Variants in KLHL29 observed in about 807,000 individuals in gnomAD.
KLHL29 encodes the protein kelch-like protein 29.
A neutral mutation model predicts 80.4 loss-of-function variants in KLHL29; 21 were observed. The observed-to-expected ratio is 0.26, with a 90% CI of 0.19 to 0.38. KLHL29 has a LOEUF of 0.38. KLHL29 is among the 10% of genes least tolerant of loss of function. KLHL29 has a pLI of 1.00. For synonymous variants in KLHL29, 511 were observed against 526.8 expected (o/e 0.97, Z 0.41); for missense variants, 867 against 1,223.9 (o/e 0.71, Z 4.35).
intron 1 of KLHL29, among the ~76,000 whole-genome samples, chr2:23,434,219 G>C (rs1335500905): frequency 6.6e-6 from 1 of 151,168 alleles, no homozygotes; most frequent in Non-Finnish European, 1.5e-5. Flanking sequence ...TACTTGGGAG[G>C]CTGAGGCAGG....
At chr2:23,646,065 G>A (rs1299937075) in intron 5 of KLHL29, among the ~76,000 whole-genome samples, 2 of 151,986 alleles carry the variant, frequency 1.3e-5, no homozygotes, top group Non-Finnish European at 2.9e-5. Context: ...TTTAGATGAT[G>A]TATTGAAAGC....
At chr2:23,405,014 C>T (rs988568169) in intron 1 of KLHL29, among the ~76,000 whole-genome samples, 1 of 152,088 alleles carries the variant, frequency 6.6e-6, no homozygotes, top group Admixed American at 6.5e-5. Context: ...ATCCTGTCCT[C>T]GTGGAACACA....
chr2:23,684,365 G>A lies in KLHL29; in HGVS notation c.941-34G>A. 1 of 1,366,842 alleles carries A rather than the reference G, an allele frequency of 7.3e-7. No homozygotes were observed. Among genetic ancestry groups the A allele is most frequent in the Non-Finnish European group, 9.5e-7 (1 of 1,050,378 alleles). The allele number at this position is 1,366,842 out of a possible 1,614,324, so 84.7% of individuals were successfully genotyped here. ...TTAAAAAAAAAAAAACTCTTAATGG[G>A]AACCTGGCCCTGTCTGTCTTCTCTG... On this transcript the variant is annotated intron_variant, in intron 5 of 13. Transcript: ENST00000486442. This position sits in a 1 kb window ranked among gnomAD's most constrained non-coding sequence, Gnocchi z 4.4.
chr2:23,515,269 G>C (rs576361828), intron 2 of KLHL29, among the ~76,000 whole-genome samples: 1 of 152,132 alleles, frequency 6.6e-6, no homozygotes, highest in South Asian at 2.1e-4. Flanking sequence ...TGGTGTTCAG[G>C]GTCATGTCTT....
intron 5 of KLHL29, among the ~76,000 whole-genome samples, chr2:23,662,436 A>G (rs1335197456): frequency 6.6e-6 from 1 of 152,194 alleles, no homozygotes; most frequent in Admixed American, 6.5e-5. Context: ...TGATCAATAG[A>G]TGGTGGGGGC....
At chr2:23,619,402 G>A (rs1156913500) in intron 3 of KLHL29, among the ~76,000 whole-genome samples, 1 of 152,174 alleles carries the variant, frequency 6.6e-6, no homozygotes, top group Admixed American at 6.5e-5. Flanking sequence ...ACAGTGATTG[G>A]AGAGTGGGGA....
chr2:23,554,302 C>T (rs892584280), intron 2 of KLHL29, among the ~76,000 whole-genome samples: 4 of 152,352 alleles, frequency 2.6e-5, no homozygotes, highest in African/African-American at 9.6e-5. Context: ...AAGACAAGCA[C>T]AGACTGTTCC....
At chr2:23,417,352 C>T (rs547420221) in intron 1 of KLHL29, among the ~76,000 whole-genome samples, 70 of 152,336 alleles carry the variant, frequency 4.6e-4, no homozygotes, top group African/African-American at 1.5e-3. Flanking sequence ...GTGTGGCCAT[C>T]ATGTGTGGCT....
chr2:23,552,020 A>G (rs533485775), intron 2 of KLHL29, among the ~76,000 whole-genome samples: 1 of 152,344 alleles, frequency 6.6e-6, no homozygotes, highest in Admixed American at 6.5e-5. Flanking sequence ...TGTGAGGCAA[A>G]TGATGTAGTG....
rs1391215449 is a variant in KLHL29, at chr2:23,691,903, T to C, written c.1282+27T>C. 6 of 1,543,284 alleles carry C rather than the reference T, an allele frequency of 3.9e-6. No individual in the cohort carries two copies. The Admixed American group carries it at 5.9e-5, about 15-fold the overall frequency. ...TGAGCCCGGGGGCCACATATGTCGC[T>C]TGGGGGGAAGAGTGCAGATGGGCGG... On this transcript the variant is annotated intron_variant, in intron 7 of 13. Coordinates refer to ENST00000486442, the MANE Select transcript of KLHL29 (RefSeq NM_052920.2).
intron 2 of KLHL29, among the ~76,000 whole-genome samples, chr2:23,502,230 G>T (rs1222165322): frequency 1.3e-5 from 2 of 152,196 alleles, no homozygotes; most frequent in African/African-American, 4.8e-5. Flanking sequence ...TTCCGGGATC[G>T]CTTGCATGCA....
At chr2:23,628,241 C>T (rs1269219132) in intron 3 of KLHL29, among the ~76,000 whole-genome samples, 2 of 152,162 alleles carry the variant, frequency 1.3e-5, no homozygotes, top group Non-Finnish European at 1.5e-5. Flanking sequence ...GCATGTTAAG[C>T]GACTATTGAG....
intron 5 of KLHL29, among the ~76,000 whole-genome samples, chr2:23,652,646 C>T (rs1558425132): frequency 6.6e-6 from 1 of 152,192 alleles, no homozygotes; most frequent in African/African-American, 2.4e-5. Context: ...GGGAGACGGA[C>T]TGTCACCTCC....
At chr2:23,498,765 A>T (rs532421314) in intron 2 of KLHL29, among the ~76,000 whole-genome samples, 1 of 152,342 alleles carries the variant, frequency 6.6e-6, no homozygotes, top group African/African-American at 2.4e-5. Flanking sequence ...AGCTAAATTA[A>T]TGTTAATTGA....
chr2:23,558,373 C>T (rs889741014), intron 2 of KLHL29, among the ~76,000 whole-genome samples: 1 of 149,654 alleles, frequency 6.7e-6, no homozygotes, highest in South Asian at 2.1e-4. Flanking sequence ...CTTCAAGGTT[C>T]GAGGTCTGAT....
chr2:23,422,410 T>G (rs1044268368), intron 1 of KLHL29, among the ~76,000 whole-genome samples: 1 of 151,766 alleles, frequency 6.6e-6, no homozygotes, highest in African/African-American at 2.4e-5. Flanking sequence ...CCTATGTGTC[T>G]GTGTTGTGTG....
intron 3 of KLHL29, among the ~76,000 whole-genome samples, chr2:23,591,618 G>C (rs1011684521): frequency 6.6e-6 from 1 of 151,882 alleles, no homozygotes; most frequent in Non-Finnish European, 1.5e-5. Context: ...TGTCCATCCT[G>C]TCACTGCGTC....
At chr2:23,563,610 G>A (rs1299964426) in intron 3 of KLHL29, among the ~76,000 whole-genome samples, 1 of 152,220 alleles carries the variant, frequency 6.6e-6, no homozygotes, top group Non-Finnish European at 1.5e-5. Context: ...GCCATTGTGA[G>A]GTGGCTGTGG....
intron 1 of KLHL29, among the ~76,000 whole-genome samples, chr2:23,452,204 T>A (rs1283805433): frequency 1.3e-5 from 2 of 151,346 alleles, no homozygotes; most frequent in Admixed American, 6.6e-5. Flanking sequence ...TTTTTTTTTT[T>A]AGAGATGGGG....
Sources: gnomAD v4.1 joint callset for allele counts (sites outside exome capture counted in the v4.1 genomes callset) on GRCh38, gnomAD v4.1.1 for gene constraint, Gnocchi (gnomAD v3.1) non-coding constraint, MANE v1.5 for transcripts, NCBI Gene and HGNC (gene_info 2026-07-23, HGNC 2026-07-21) for gene names.